The following CUL2 variants were observed in gnomAD, a reference collection of about 807,000 sequenced individuals.
The protein encoded by CUL2 is cullin-2.
In CUL2, 22 loss-of-function variants were observed where a neutral mutation model predicts 110.2. The ratio of observed to expected loss-of-function variants is 0.20; its 90% CI spans 0.14 to 0.28. The LOEUF (loss-of-function observed/expected upper bound fraction) is 0.28. Among genes scored for constraint, CUL2 ranks in the 10% least tolerant of loss-of-function variants. The pLI, the probability that CUL2 is intolerant of heterozygous loss-of-function variation, is 1.00. For synonymous variants in CUL2, 279 were observed against 293.2 expected, an observed-to-expected ratio of 0.95 and a Z score of 0.49; for missense variants, 631 against 905.5, an observed-to-expected ratio of 0.70 and a Z score of 3.89.
chr10:35,087,889 C>A (rs1212539745), intron 1 of CUL2, among the ~76,000 whole-genome samples: 2 of 147,148 alleles, frequency 1.4e-5, no homozygotes, highest in Non-Finnish European at 3.0e-5. Flanking sequence ...AAGAACAAAG[C>A]CAACATGATC....
rs549711526 is a variant in CUL2 at position 35,051,277 on chromosome 10, T to C, written c.424-1512A>G. On this transcript the variant is annotated intron_variant, in intron 5 of 20. Coordinates refer to ENST00000374749, the MANE Select transcript of CUL2 (RefSeq NM_003591.4). ...TTGCAGTGAGCCGAGATCGCGCCAC[T>C]GCACTCCCGCCCAGGTGACAGAGCG... Among the ~76,000 whole-genome samples, 69 of 149,312 alleles carry C rather than the reference T, an allele frequency of 4.6e-4. 1 individual carries two copies. Among genetic ancestry groups the C allele is most frequent in the Admixed American group, 3.2e-3 (47 of 14,850 alleles).
intron 17 of CUL2, among the ~76,000 whole-genome samples, chr10:35,022,574 C>CA (rs1355376811): frequency 6.6e-6 from 1 of 152,114 alleles, no homozygotes; most frequent in African/African-American, 2.4e-5. Flanking sequence ...TAATCTAGAA[C>CA]AAGTATCTTC....
intron 6 of CUL2, among the ~76,000 whole-genome samples, chr10:35,047,252 T>C (rs919189195): frequency 6.6e-6 from 1 of 152,214 alleles, no homozygotes; most frequent in East Asian, 1.9e-4. Context: ...ATTTGCTTAA[T>C]TCTCTATGAT....
intron 3 of CUL2, among the ~76,000 whole-genome samples, chr10:35,061,769 G>GT (rs570989508): frequency 0.15 from 19,805 of 128,468 alleles, 1,657 homozygotes; most frequent in East Asian, 0.24. Flanking sequence ...ACTTATGAGG[G>GT]TTTTTTTTTT....
intron 18 of CUL2, among the ~76,000 whole-genome samples, chr10:35,015,069 G>A (rs1452473159): frequency 6.6e-6 from 1 of 152,062 alleles, no homozygotes; most frequent in African/African-American, 2.4e-5. Flanking sequence ...TGGATCACCT[G>A]AGGTCAGGAG....
chr10:35,029,297 T>C (rs1293827208), intron 15 of CUL2, among the ~76,000 whole-genome samples, 191 bp downstream of exon 15: 2 of 152,186 alleles, frequency 1.3e-5, no homozygotes, highest in Non-Finnish European at 2.9e-5. Flanking sequence ...GCTCAAGAGA[T>C]CTGCCTGCTT....
intron 8 of CUL2, among the ~76,000 whole-genome samples, chr10:35,039,435 T>C (rs2085719620): frequency 6.6e-6 from 1 of 152,218 alleles, no homozygotes; most frequent in Non-Finnish European, 1.5e-5. Flanking sequence ...CTGTTATGAA[T>C]AACTATCAAA....
intron 1 of CUL2, among the ~76,000 whole-genome samples, chr10:35,101,858 A>C (rs2087382857): frequency 6.6e-6 from 1 of 152,234 alleles, no homozygotes; most frequent in South Asian, 2.1e-4. Context: ...AATGGTTTCT[A>C]ATTAGAGGGA....
intron 1 of CUL2, among the ~76,000 whole-genome samples, chr10:35,072,128 G>A (rs533516052): frequency 1.3e-5 from 2 of 152,192 alleles, no homozygotes; most frequent in African/African-American, 4.8e-5. Flanking sequence ...TACCTTCCTG[G>A]AGCATCAGTA....
At chr10:35,073,614 T>C (rs1047200047) in intron 1 of CUL2, among the ~76,000 whole-genome samples, 10 of 151,322 alleles carry the variant, frequency 6.6e-5, no homozygotes, top group African/African-American at 2.4e-4. Flanking sequence ...TTTTTCTTTT[T>C]TTTTTTGAGA....
intron 1 of CUL2, among the ~76,000 whole-genome samples, chr10:35,125,751 T>C (rs2087768346): frequency 6.6e-6 from 1 of 152,254 alleles, no homozygotes; most frequent in East Asian, 1.9e-4. Context: ...CTTAAAGCCA[T>C]GATTTCTAAG....
intron 3 of CUL2, 102 bp downstream of exon 3, chr10:35,062,858 C>A (rs2134934080): frequency 2.9e-6 from 2 of 691,642 alleles, no homozygotes; most frequent in East Asian, 5.6e-5. Context: ...GCAGCAGCAG[C>A]AAAACAAGCT....
intron 1 of CUL2, among the ~76,000 whole-genome samples, chr10:35,123,076 TGCA>T (rs1315571073): frequency 2.0e-5 from 3 of 152,180 alleles, no homozygotes; most frequent in Non-Finnish European, 2.9e-5. Flanking sequence ...AGGTCAAGAC[TGCA>T]GTGAGCTGTG....
chr10:35,123,943 G>A (rs2087708630), intron 1 of CUL2, among the ~76,000 whole-genome samples: 2 of 152,326 alleles, frequency 1.3e-5, no homozygotes, highest in South Asian at 4.1e-4. Context: ...GATGTCCAAG[G>A]ACAGAAAATT....
At chr10:35,106,037 C>T (rs534385765) in intron 1 of CUL2, among the ~76,000 whole-genome samples, 2 of 152,220 alleles carry the variant, frequency 1.3e-5, no homozygotes, top group African/African-American at 4.8e-5. Flanking sequence ...AGAAAAAATG[C>T]GTTCCCCCAA....
At chr10:35,110,745 T>C (rs1305905075) in intron 1 of CUL2, among the ~76,000 whole-genome samples, 3 of 152,138 alleles carry the variant, frequency 2.0e-5, no homozygotes, top group African/African-American at 7.2e-5. Context: ...CACACATTTG[T>C]CTCTGTGTGC....
chr10:35,033,475 C>A (rs1293536867), intron 10 of CUL2, among the ~76,000 whole-genome samples: 1 of 152,148 alleles, frequency 6.6e-6, no homozygotes, highest in Non-Finnish European at 1.5e-5. Context: ...GTGGCTCACA[C>A]CTGTAATCCC....
chr10:35,103,211 C>T (rs908122228), intron 1 of CUL2, among the ~76,000 whole-genome samples: 21 of 151,106 alleles, frequency 1.4e-4, no homozygotes, highest in Non-Finnish European at 8.9e-5. Context: ...GGTGTGATCA[C>T]AACTCACTGG....
chr10:35,090,782 A>T (rs947872789), upstream of CUL2: 1 of 152,420 alleles, frequency 6.6e-6, no homozygotes, highest in South Asian at 2.1e-4. Context: ...TGATGGACAC[A>T]GTACCCACCC....
Sources: allele counts gnomAD v4.1 joint callset (sites outside exome capture counted in the v4.1 genomes callset), GRCh38; gene constraint gnomAD v4.1.1; transcripts MANE v1.5; gene names NCBI Gene and HGNC (gene_info 2026-07-23, HGNC 2026-07-21).